The following SPMIP4 variants were observed in gnomAD, a reference collection of about 807,000 sequenced individuals.
The protein encoded by SPMIP4 is sperm-associated microtubule inner protein 4.
At chr7:25,144,385 T>A in the SPMIP4 span, among the ~76,000 whole-genome samples, 4 of 152,254 alleles carry the variant, frequency 2.6e-5, no homozygotes, top group Admixed American at 2.6e-4. Flanking sequence ...AGCCAGCCGC[T>A]GGCCCCTGGC....
chr7:25,159,936 A>G, the SPMIP4 span, among the ~76,000 whole-genome samples: 35 of 152,158 alleles, frequency 2.3e-4, no homozygotes, highest in Non-Finnish European at 4.6e-4. Flanking sequence ...TTCCACTACA[A>G]TATTGATAAG....
the SPMIP4 span, chr7:25,179,203 C>T: frequency 6.2e-7 from 1 of 1,610,278 alleles, no homozygotes; most frequent in Non-Finnish European, 8.5e-7. Context: ...GGGCGAGTAA[C>T]CGTCTGGAGG....
the SPMIP4 span, among the ~76,000 whole-genome samples, chr7:25,145,076 C>G: frequency 6.6e-6 from 1 of 151,784 alleles, no homozygotes; most frequent in Non-Finnish European, 1.5e-5. Context: ...GATTCTCCTG[C>G]CTCAGCCTCC....
the SPMIP4 span, among the ~76,000 whole-genome samples, chr7:25,154,288 C>T: frequency 1.3e-3 from 202 of 152,302 alleles, no homozygotes; most frequent in Non-Finnish European, 2.1e-3. Flanking sequence ...TTCTACCTCA[C>T]CTAAATGCAC....
chr7:25,169,879 T>G, the SPMIP4 span, among the ~76,000 whole-genome samples: 1 of 152,174 alleles, frequency 6.6e-6, no homozygotes, highest in Non-Finnish European at 1.5e-5. Flanking sequence ...GCCCAGCCCT[T>G]CATTCCTTTT....
the SPMIP4 span, chr7:25,135,968 T>C: frequency 6.3e-7 from 1 of 1,578,604 alleles, no homozygotes; most frequent in East Asian, 2.2e-5. Flanking sequence ...GAAGAATGAG[T>C]ATCTCAATTA....
the SPMIP4 span, among the ~76,000 whole-genome samples, chr7:25,128,646 A>C: frequency 2.0e-5 from 3 of 152,192 alleles, no homozygotes; most frequent in Admixed American, 6.5e-5. The surrounding 1 kb of genome is among the most constrained non-coding windows in gnomAD (Gnocchi z 4.5). Context: ...CTAGGAGCCA[A>C]GGCATGGAAT....
chr7:25,171,378 G>A, the SPMIP4 span, among the ~76,000 whole-genome samples: 1 of 152,192 alleles, frequency 6.6e-6, no homozygotes, highest in South Asian at 2.1e-4. Context: ...CAAAGAGATG[G>A]ATTTGTTTCC....
chr7:25,179,277 C>A, the SPMIP4 span: 1 of 1,613,476 alleles, frequency 6.2e-7, no homozygotes, highest in South Asian at 1.1e-5. Context: ...AAGCTCCCTG[C>A]AACAGTAGGG....
At chr7:25,156,272 C>A in the SPMIP4 span, among the ~76,000 whole-genome samples, 1 of 152,156 alleles carries the variant, frequency 6.6e-6, no homozygotes, top group African/African-American at 2.4e-5. Context: ...GGGACAGAGT[C>A]TCTATCACAG....
chr7:25,129,441 A>G, the SPMIP4 span, among the ~76,000 whole-genome samples: 1 of 152,160 alleles, frequency 6.6e-6, no homozygotes, highest in South Asian at 2.1e-4. Flanking sequence ...AAGGCCCTGC[A>G]ATCACTGCCC....
At chr7:25,156,754 C>T in the SPMIP4 span, among the ~76,000 whole-genome samples, 1 of 152,156 alleles carries the variant, frequency 6.6e-6, no homozygotes, top group African/African-American at 2.4e-5. Context: ...ATGGCAGGAT[C>T]TCAGCTCACT....
chr7:25,125,782 C>T, the SPMIP4 span: 2 of 359,862 alleles, frequency 5.6e-6, no homozygotes, highest in South Asian at 1.1e-4. Flanking sequence ...CCTACTACCA[C>T]GGCTGGCGCC....
the SPMIP4 span, among the ~76,000 whole-genome samples, chr7:25,149,398 G>A: frequency 3.3e-5 from 5 of 152,150 alleles, no homozygotes; most frequent in African/African-American, 4.8e-5. Flanking sequence ...TTACTCCCAC[G>A]AAGCTCAGCA....
chr7:25,134,863 A>G, the SPMIP4 span: 7 of 985,144 alleles, frequency 7.1e-6, no homozygotes, highest in Admixed American at 6.1e-5. Context: ...TGCAACTGAC[A>G]TTGTTGCTCC....
At chr7:25,140,201 A>T in the SPMIP4 span, among the ~76,000 whole-genome samples, 83,808 of 152,150 alleles carry the variant, frequency 0.55, 26,238 homozygotes, top group South Asian at 0.72. Context: ...GTGAATGATA[A>T]AACACAGCCT....
the SPMIP4 span, among the ~76,000 whole-genome samples, chr7:25,172,408 C>A: frequency 6.6e-6 from 1 of 152,116 alleles, no homozygotes; most frequent in Non-Finnish European, 1.5e-5. The surrounding 1 kb of genome is among the most constrained non-coding windows in gnomAD (Gnocchi z 4.2). Context: ...AGGGAGAAAC[C>A]CTTGGCGACA....
chr7:25,136,349 T>A, the SPMIP4 span: 1 of 1,614,200 alleles, frequency 6.2e-7, no homozygotes, highest in African/African-American at 1.3e-5. The surrounding 1 kb of genome is among the most constrained non-coding windows in gnomAD (Gnocchi z 5.7). Flanking sequence ...GATTTAAGAT[T>A]TTCATAGTGA....
At chr7:25,130,339 T>C in the SPMIP4 span, among the ~76,000 whole-genome samples, 1 of 136,270 alleles carries the variant, frequency 7.3e-6, no homozygotes, top group Admixed American at 7.4e-5. Flanking sequence ...TGAGACGGAG[T>C]TTCGCTCTTG....
Sources: gnomAD v4.1 joint callset for allele counts (sites outside exome capture counted in the v4.1 genomes callset) on GRCh38, gnomAD v4.1.1 for gene constraint, Gnocchi (gnomAD v3.1) non-coding constraint, MANE v1.5 for transcripts, NCBI Gene and HGNC (gene_info 2026-07-23, HGNC 2026-07-21) for gene names.